The following TBC1D4 variants were observed in gnomAD, a reference collection of about 807,000 sequenced individuals.
TBC1D4 encodes the protein TBC1 domain family member 4, also known as TBC (Tre-2, BUB2, CDC16) domain-containing protein.
Under a neutral mutation model 142.5 loss-of-function variants are expected in TBC1D4, and 121 were observed. That is an observed-to-expected ratio of 0.85 (90% confidence interval 0.73 to 0.99). The LOEUF is 0.99. Among genes scored for constraint, TBC1D4 ranks in the 50% least tolerant of loss-of-function variants. The probability of loss-of-function intolerance (pLI) is 0.00; values close to 1 mark genes in which losing one functional copy is unlikely to be tolerated. For synonymous variants in TBC1D4, 630 were observed against 628.2 expected, an observed-to-expected ratio of 1.00 and a Z score of -0.04; for missense variants, 1,475 against 1,606.6, an observed-to-expected ratio of 0.92 and a Z score of 1.40.
At chr13:75,300,532 A>G (rs746460204) in intron 16 of TBC1D4, among the ~76,000 whole-genome samples, 1 of 152,196 alleles carries the variant, frequency 6.6e-6, no homozygotes, top group Non-Finnish European at 1.5e-5. Context: ...CTAGGAACCA[A>G]TAAGATTAAT....
intron 13 of TBC1D4, among the ~76,000 whole-genome samples, chr13:75,312,424 A>AAAAGAAAGAAAGAAAGAAAG (rs375132840): frequency 2.8e-4 from 38 of 136,016 alleles, no homozygotes; most frequent in South Asian, 4.8e-4. Flanking sequence ...GGGAAAAAAA[A>AAAAGAAAGAAAGAAAGAAAG]AAAGAAAGAA....
chr13:75,412,498 G>T (rs374599843), intron 1 of TBC1D4, among the ~76,000 whole-genome samples: 201 of 152,034 alleles, frequency 1.3e-3, no homozygotes, highest in African/African-American at 4.4e-3. Context: ...TGAAGACAAG[G>T]TCTCACTATG....
At chr13:75,390,994 A>G (rs908511331) in intron 1 of TBC1D4, among the ~76,000 whole-genome samples, 7 of 150,926 alleles carry the variant, frequency 4.6e-5, no homozygotes, top group Admixed American at 1.3e-4. Context: ...TCCTGATACT[A>G]TGCACAAACA....
intron 8 of TBC1D4, among the ~76,000 whole-genome samples, chr13:75,331,375 C>G (rs1285492000): frequency 1.3e-5 from 2 of 151,980 alleles, no homozygotes; most frequent in Non-Finnish European, 2.9e-5. Flanking sequence ...TGGAATGTGA[C>G]CATGGTCCTA....
At position 75,343,416 on chromosome 13, in the gene TBC1D4, ATG is replaced by A. The variant is rs1303009042; in HGVS notation, c.1409-1831_1409-1830del. 2.0e-5 allele frequency among the ~76,000 whole-genome samples: 3 copies of A among 152,368 alleles called. No individual in the cohort carries two copies. The East Asian group carries it at 5.8e-4, about 29-fold the overall frequency. ...ACTCCACTCCACATTTCTTTGTGCA[ATG>A]TACAGCAAAATTCGGTGCAAGTCTT... On this transcript the variant is annotated intron_variant, in intron 5 of 20. Transcript: ENST00000377636.
chr13:75,448,298 T>C (rs1887380032), intron 1 of TBC1D4, among the ~76,000 whole-genome samples: 1 of 152,130 alleles, frequency 6.6e-6, no homozygotes, highest in Admixed American at 6.6e-5. Context: ...TGAAAATTTG[T>C]TTCCCATGTT....
intron 12 of TBC1D4, among the ~76,000 whole-genome samples, chr13:75,315,351 A>AATAT (rs144293371): frequency 0.31 from 43,350 of 141,824 alleles, 8,539 homozygotes; most frequent in East Asian, 0.59. Flanking sequence ...CTGAATATTG[A>AATAT]ATATATATAT....
rs111723985 is a variant in TBC1D4, at chr13:75,370,761, T to C, written c.499-8154A>G. ...GGAGATGTCAGTAGGCAGTTGATTA[T>C]ATGAGTCTGGAGCTCCAGGGACAGA... On this transcript the variant is annotated intron_variant, in intron 1 of 20. Transcript: ENST00000377636. Among the ~76,000 whole-genome samples, 831 of 152,230 alleles carry C rather than the reference T, an allele frequency of 5.5e-3. 13 individuals carry two copies. The highest frequency in any genetic ancestry group is 0.019 in the African/African-American group (791 of 41,538).
chr13:75,376,882 T>A (rs951719974), intron 1 of TBC1D4, among the ~76,000 whole-genome samples: 9 of 152,218 alleles, frequency 5.9e-5, no homozygotes, highest in African/African-American at 1.9e-4. Flanking sequence ...CTTACAAATA[T>A]AGATCAATGC....
chr13:75,448,849 A>T (rs999457241), intron 1 of TBC1D4, among the ~76,000 whole-genome samples: 2 of 152,068 alleles, frequency 1.3e-5, no homozygotes, highest in African/African-American at 4.8e-5. Flanking sequence ...CATGTTTAGT[A>T]AATAATAAAC....
At chr13:75,377,702 T>A (rs940148263) in intron 1 of TBC1D4, among the ~76,000 whole-genome samples, 4 of 147,070 alleles carry the variant, frequency 2.7e-5, no homozygotes, top group South Asian at 2.1e-4. Context: ...TAAATATATA[T>A]TATATATATA....
chr13:75,367,665 C>A (rs143744710), intron 1 of TBC1D4, among the ~76,000 whole-genome samples: 1 of 152,060 alleles, frequency 6.6e-6, no homozygotes, highest in Admixed American at 6.6e-5. Flanking sequence ...GGAAGTAATG[C>A]GTGGCTTTAG....
intron 1 of TBC1D4, among the ~76,000 whole-genome samples, chr13:75,383,704 T>G (rs1883999565): frequency 1.3e-5 from 2 of 148,550 alleles, no homozygotes; most frequent in Non-Finnish European, 3.0e-5. Flanking sequence ...TATGTACATA[T>G]GTACAGGAAA....
At chr13:75,392,749 C>G (rs1386805019) in intron 1 of TBC1D4, among the ~76,000 whole-genome samples, 1 of 152,126 alleles carries the variant, frequency 6.6e-6, no homozygotes, top group Non-Finnish European at 1.5e-5. Flanking sequence ...GATCCTCCCA[C>G]CTCAGCCTCC....
At position 75,283,664 on chromosome 13, in the gene TBC1D4, T is replaced by C. The variant is rs1874463866; in HGVS notation, c.*3128A>G. Among the ~76,000 whole-genome samples, 7 of 152,212 alleles carry C rather than the reference T, an allele frequency of 4.6e-5. No homozygotes were observed. ...TTTCTTGTGGCTCTCTCTCCCTTGCTATCTATGAGGGGGCCTGGAAAATAA... is the reference window on the plus strand; with the variant it reads ...TTTCTTGTGGCTCTCTCTCCCTTGCCATCTATGAGGGGGCCTGGAAAATAA... On this transcript the variant is annotated 3_prime_UTR_variant, in exon 21 of 21. Transcript: ENST00000377636.
intron 1 of TBC1D4, among the ~76,000 whole-genome samples, chr13:75,478,243 T>G (rs1888698178): frequency 1.3e-5 from 2 of 152,246 alleles, no homozygotes; most frequent in African/African-American, 4.8e-5. Context: ...AACTTTGCCA[T>G]GGTGACCATA....
At chr13:75,345,508 C>T (rs1156541983) in intron 5 of TBC1D4, among the ~76,000 whole-genome samples, 1 of 152,140 alleles carries the variant, frequency 6.6e-6, no homozygotes, top group Non-Finnish European at 1.5e-5. Context: ...GTGCATAAAG[C>T]TTAAGTTTCA....
intron 1 of TBC1D4, among the ~76,000 whole-genome samples, chr13:75,435,025 G>C (rs1886739233): frequency 6.6e-6 from 1 of 151,292 alleles, no homozygotes; most frequent in Non-Finnish European, 1.5e-5. Flanking sequence ...GCAGGCACCT[G>C]TAAAAGACAA....
chr13:75,305,192 G>A lies in TBC1D4; in HGVS notation c.2752+1121C>T, dbSNP rs560380835. ...ATGTGAGACACACCTTTCACCTTCCGCCATGATTGTGAGGCCTCCCCAGAC... is the reference window on the plus strand; with the variant it reads ...ATGTGAGACACACCTTTCACCTTCCACCATGATTGTGAGGCCTCCCCAGAC... On this transcript the variant is annotated intron_variant, in intron 15 of 20. Coordinates refer to ENST00000377636, the MANE Select transcript of TBC1D4 (RefSeq NM_014832.5). 2.2e-4 allele frequency among the ~76,000 whole-genome samples: 34 copies of A among 152,224 alleles called. 1 individual carries two copies. Among genetic ancestry groups the A allele is most frequent in the Admixed American group, 4.6e-4 (7 of 15,294 alleles).
Sources: gnomAD v4.1 joint callset for allele counts (sites outside exome capture counted in the v4.1 genomes callset) on GRCh38, gnomAD v4.1.1 for gene constraint, MANE v1.5 for transcripts, NCBI Gene and HGNC (gene_info 2026-07-23, HGNC 2026-07-21) for gene names.